Variants in ARID1A observed in about 807,000 individuals in gnomAD.
ARID1A encodes AT-rich interactive domain-containing protein 1A.
ARID1A carries 20 observed loss-of-function variants against 212.6 expected under a neutral mutation model. The observed-to-expected ratio is 0.09, with a 90% confidence interval of 0.07 to 0.14. ARID1A has a LOEUF of 0.14. ARID1A is among the 10% of genes least tolerant of loss of function. The pLI is 1.00. For missense variants in ARID1A, 2,587 were observed against 3,059.0 expected, an observed-to-expected ratio of 0.85 and a Z score of 3.64; for synonymous variants, 1,376 against 1,222.1, an observed-to-expected ratio of 1.13 and a Z score of -2.63.
chr1:26,696,607 G>T lies in ARID1A; in HGVS notation c.204G>T (p.Pro68=), dbSNP rs951634648. 2.4e-6 allele frequency: 3 copies of T among 1,236,378 alleles called. No homozygotes were observed. In the African/African-American group the frequency reaches 4.7e-5, roughly 19 times the overall value. The allele number at this position is 1,236,378 out of a possible 1,614,324, so 76.6% of individuals were successfully genotyped here. A position where few individuals can be genotyped will look rare whatever the true frequency, so the allele number is the denominator to read the frequency against. ...GCCCCGCCGTGGGGCCGCCGCAGCC[G>T]CTGGGAAAGGAGCTGCAGGACGGGG... ...SEGPAVGPPQ[P]LGKELQDGAE... is the part of the protein sequence containing the mutation. The change falls in exon 1 of 20, where the codon CCG becomes CCT. Residue 68 remains proline, a synonymous_variant. Transcript: ENST00000324856.
chr1:26,698,346 C>T (rs1303525694), intron 1 of ARID1A, among the ~76,000 whole-genome samples: 1 of 152,224 alleles, frequency 6.6e-6, no homozygotes, highest in Non-Finnish European at 1.5e-5. Flanking sequence ...GTACAACAAT[C>T]CTGATGAGCT....
rs2124741730 is a variant in ARID1A at position 26,696,809 on chromosome 1, C to T, written c.406C>T (p.Pro136Ser). ...GGSSDGVGAP[P>S]HSAAAALPPP... ...CAGCAGCGATGGGGTGGGGGCGCCTCCTCACTCAGCCGCGGCCGCCTTGCC... is the reference window on the plus strand; with the variant it reads ...CAGCAGCGATGGGGTGGGGGCGCCTTCTCACTCAGCCGCGGCCGCCTTGCC... Residue 136 changes from proline to serine, a missense_variant, in exon 1 of 20, where the codon CCT becomes TCT. Around this residue, in one of 11 missense-constraint regions of ARID1A, gnomAD observed 735 missense variants for 590.6 expected, o/e 1.24. Coordinates refer to ENST00000324856, the MANE Select transcript of ARID1A (RefSeq NM_006015.6). 1.5e-6 allele frequency: 2 copies of T among 1,341,038 alleles called. No individual in the cohort carries two copies. Among genetic ancestry groups the T allele is most frequent in the South Asian group, 2.0e-5 (1 of 49,848 alleles). The allele number at this position is 1,341,038 out of a possible 1,614,324, so 83.1% of individuals were successfully genotyped here. A position where few individuals can be genotyped will look rare whatever the true frequency, so the allele number is the denominator to read the frequency against.
In ARID1A at chr1:26,779,928, C is replaced by T. The variant is rs1305325019; in HGVS notation, c.6030C>T (p.Ile2010=). The T allele has an allele frequency of 3.7e-6, 6 of 1,614,044 alleles. No homozygotes were observed. In the African/African-American group the frequency reaches 6.7e-5, roughly 18 times the overall value. Residue 2010 remains isoleucine (I), a synonymous_variant, in exon 20 of 20, where the codon ATC becomes ATT. Transcript: ENST00000324856. ...EMSKHPGLLL[I]LGKLILLHHK... The stretch of plus-strand genomic sequence containing the variant: ...CCAAACACCCAGGGCTGCTGCTCAT[C>T]CTGGGCAAGCTGATCCTGCTGCACC...
chr1:26,775,655 T>A lies in ARID1A; in HGVS notation c.5072T>A (p.Ile1691Asn). 1 of 1,614,172 alleles carries A rather than the reference T, an allele frequency of 6.2e-7. No homozygotes were observed. The highest frequency in any genetic ancestry group is 8.5e-7 in the Non-Finnish European group (1 of 1,180,032). ...LAESTWALDT[I>N]NILLYDDNSI... ...GAGAGCACATGGGCATTAGATACCA[T>A]CAACATCCTGCTGTATGATGACAAC... Residue 1691 changes from isoleucine (I) to asparagine (N), a missense_variant, in exon 19 of 20, where the codon ATC (isoleucine) becomes AAC (asparagine). This residue lies in a region of ARID1A where 890 missense variants were observed against 1,098.2 expected (regional missense o/e 0.81). Transcript: ENST00000324856.
intron 6 of ARID1A, among the ~76,000 whole-genome samples, 160 bp from the exon 7 acceptor site, chr1:26,761,992 G>C (rs2080996767): frequency 6.6e-6 from 1 of 152,170 alleles, no homozygotes; most frequent in Admixed American, 6.5e-5. Flanking sequence ...TCACTCTGAA[G>C]GTGCCTAAAA....
At position 26,779,987 on chromosome 1, in the gene ARID1A, C is replaced by T; in HGVS notation, c.6089C>T (p.Thr2030Ile). 1 of 1,614,154 alleles carries T rather than the reference C, an allele frequency of 6.2e-7. No individual in the cohort carries two copies. Among genetic ancestry groups the T allele is most frequent in the Non-Finnish European group, 8.5e-7 (1 of 1,180,010 alleles). Residue 2030 changes from threonine to isoleucine, a missense_variant, in exon 20 of 20, where the codon ACT becomes ATT. Around this residue, in one of 11 missense-constraint regions of ARID1A, gnomAD observed 168 missense variants for 321.0 expected, o/e 0.52. Coordinates refer to ENST00000324856, the MANE Select transcript of ARID1A (RefSeq NM_006015.6). Reference sequence around the variant, plus strand: ...CCAGAACGGAAGCAGGCACCACTAACTTATGAAAAGGAGGAGGAACAGGAC... The same window carrying T: ...CCAGAACGGAAGCAGGCACCACTAATTTATGAAAAGGAGGAGGAACAGGAC... ...KHPERKQAPL[T>I]YEKEEEQDQG...
rs1204913370 is a variant in ARID1A at position 26,697,087 on chromosome 1, C to T, written c.684C>T (p.Ala228=). The T allele has an allele frequency of 6.7e-7, 1 of 1,487,658 alleles. No homozygotes were observed. Among genetic ancestry groups the T allele is most frequent in the Non-Finnish European group, 8.9e-7 (1 of 1,123,864 alleles). The allele number at this position is 1,487,658 out of a possible 1,614,324, so 92.2% of individuals were successfully genotyped here. A position where few individuals can be genotyped will look rare whatever the true frequency, so the allele number is the denominator to read the frequency against. Residue 228 remains alanine (A), a synonymous_variant, in exon 1 of 20, where the codon GCC becomes GCT. Transcript: ENST00000324856. ...NRSAYPPPAP[A]YALSSPRGGT... is the part of the protein sequence containing the mutation. ...GCGCCTACCCCCCGCCCGCCCCGGCCTACGCGCTGAGCTCCCCGAGAGGTG... is the reference window on the plus strand; with the variant it reads ...GCGCCTACCCCCCGCCCGCCCCGGCTTACGCGCTGAGCTCCCCGAGAGGTG...
intron 11 of ARID1A, among the ~76,000 whole-genome samples, chr1:26,768,326 G>A (rs1557612342): frequency 6.6e-6 from 1 of 152,174 alleles, no homozygotes; most frequent in Non-Finnish European, 1.5e-5. Context: ...TTGGAGAGAT[G>A]GACCTGGTTT....
At chr1:26,699,843 AG>A (rs1557573299) in intron 1 of ARID1A, among the ~76,000 whole-genome samples, 1 of 152,198 alleles carries the variant, frequency 6.6e-6, no homozygotes, top group Non-Finnish European at 1.5e-5. Context: ...ATTTAGTCAA[AG>A]GTTTTAAAGA....
chr1:26,757,402 G>A (rs1473016124), intron 4 of ARID1A, among the ~76,000 whole-genome samples: 13 of 151,222 alleles, frequency 8.6e-5, no homozygotes, highest in African/African-American at 2.9e-4. Flanking sequence ...CCCAGGAGGC[G>A]GAAGTCACAG....
intron 1 of ARID1A, among the ~76,000 whole-genome samples, chr1:26,728,294 T>C (rs1156276517): frequency 6.6e-6 from 1 of 152,224 alleles, no homozygotes; most frequent in African/African-American, 2.4e-5. Flanking sequence ...CTGTGGCTTA[T>C]TGTCTTACCT....
rs1205912535 is a variant in ARID1A, at chr1:26,779,273, G to A, written c.5375G>A (p.Gly1792Asp). The change falls in exon 20 of 20, where the codon GGC (glycine) becomes GAC (aspartate). Residue 1792 changes from glycine (G) to aspartate (D), a missense_variant. Around this residue, in one of 11 missense-constraint regions of ARID1A, gnomAD observed 890 missense variants for 1,098.2 expected, o/e 0.81. Coordinates refer to ENST00000324856, the MANE Select transcript of ARID1A (RefSeq NM_006015.6). ...VENDEEIAFS[G>D]KDKPASENSE... ...AATGATGAGGAGATAGCCTTTTCAG[G>A]CAAGGACAAGCCAGCTTCAGAGAAT... 6.2e-7 allele frequency: 1 copy of A among 1,614,136 alleles called. No homozygotes were observed. Among genetic ancestry groups the A allele is most frequent in the Non-Finnish European group, 8.5e-7 (1 of 1,180,054 alleles).
At chr1:26,744,631 C>T (rs907510118) in intron 4 of ARID1A, among the ~76,000 whole-genome samples, 1 of 152,150 alleles carries the variant, frequency 6.6e-6, no homozygotes, top group Non-Finnish European at 1.5e-5. Context: ...GTACCTGGAG[C>T]TTTTAAATGT....
rs571388973 is a variant in ARID1A at position 26,772,697 on chromosome 1, T to C, written c.3539+65T>C. 5.6e-6 allele frequency: 9 copies of C among 1,612,584 alleles called. No individual in the cohort carries two copies. The Admixed American group carries it at 1.5e-4, about 27-fold the overall frequency. ...TGAAGATAAGTGCATGGGAACTCCT[T>C]GCAGCCCAAGGTGGTCCTTGCCTCT... On this transcript the variant is annotated intron_variant, in intron 13 of 19. Coordinates refer to ENST00000324856, the MANE Select transcript of ARID1A (RefSeq NM_006015.6).
intron 4 of ARID1A, among the ~76,000 whole-genome samples, chr1:26,737,593 C>T (rs912577390): frequency 3.9e-5 from 6 of 152,200 alleles, no homozygotes; most frequent in East Asian, 1.9e-4. Flanking sequence ...GGCCCGAGCA[C>T]GGTGCCTCAC....
intron 1 of ARID1A, among the ~76,000 whole-genome samples, chr1:26,719,464 A>G (rs2080538843): frequency 6.6e-6 from 1 of 151,990 alleles, no homozygotes; most frequent in Non-Finnish European, 1.5e-5. Flanking sequence ...TTCTAGAGAC[A>G]CTCTGTGCTG....
chr1:26,731,087 C>A, intron 2 of ARID1A, 65 bp from the exon 3 acceptor site: 2 of 1,516,028 alleles, frequency 1.3e-6, no homozygotes, highest in South Asian at 1.2e-5. Context: ...TAGCTTCTCA[C>A]AAAACACTTC....
At chr1:26,722,626 A>C (rs957969497) in intron 1 of ARID1A, among the ~76,000 whole-genome samples, 1 of 152,204 alleles carries the variant, frequency 6.6e-6, no homozygotes, top group Non-Finnish European at 1.5e-5. Context: ...GGTAGTTGCA[A>C]ACTAGTTGTT....
Position 26,696,667 on chromosome 1 carries a change from C to A in ARID1A, c.264C>A (p.Ala88=). The A allele has an allele frequency of 7.6e-7, 1 of 1,320,226 alleles. No homozygotes were observed. Among genetic ancestry groups the A allele is most frequent in the African/African-American group, 1.6e-5 (1 of 64,500 alleles). 81.8% of individuals were successfully genotyped at this position (1,320,226 alleles called of 1,614,324 possible). The change falls in exon 1 of 20, where the codon GCC becomes GCA. Residue 88 remains alanine (A), a synonymous_variant. Transcript: ENST00000324856. ...ESNGGGGGGG[A]GSGGGPGAEP... is the part of the protein sequence containing the mutation. ...ATGGGGGTGGCGGCGGCGGCGGAGCCGGCAGCGGCGGCGGGCCCGGCGCGG... is the reference window on the plus strand; with the variant it reads ...ATGGGGGTGGCGGCGGCGGCGGAGCAGGCAGCGGCGGCGGGCCCGGCGCGG...
Sources: allele counts gnomAD v4.1 joint callset (sites outside exome capture counted in the v4.1 genomes callset), GRCh38; gene constraint gnomAD v4.1.1; regional missense constraint gnomAD v4.1.1; transcripts MANE v1.5; gene names NCBI Gene and HGNC (gene_info 2026-07-23, HGNC 2026-07-21).